The following MLLT10 variants were observed in gnomAD, a reference collection of about 807,000 sequenced individuals.
MLLT10 encodes the protein MLLT10 histone lysine methyltransferase DOT1L cofactor.
In MLLT10, 30 loss-of-function variants were observed where a neutral mutation model predicts 129.1. The ratio of observed to expected loss-of-function variants is 0.23; its 90% CI spans 0.17 to 0.32. The LOEUF (loss-of-function observed/expected upper bound fraction) is 0.32, where lower values mean the gene tolerates loss of function less well. Among genes scored for constraint, MLLT10 ranks in the 10% least tolerant of loss-of-function variants. The probability of loss-of-function intolerance (pLI) is 1.00; values close to 1 mark genes in which losing one functional copy is unlikely to be tolerated. For synonymous variants in MLLT10, 490 were observed against 446.4 expected (o/e 1.10, Z -1.23); for missense variants, 1,119 against 1,268.3 (o/e 0.88, Z 1.79).
chr10:21,537,320 C>T (rs1003154223), intron 2 of MLLT10, among the ~76,000 whole-genome samples: 2 of 151,888 alleles, frequency 1.3e-5, no homozygotes, highest in Admixed American at 6.6e-5. Context: ...TTTTTTGAGG[C>T]GGAGACTCCC....
intron 3 of MLLT10, among the ~76,000 whole-genome samples, chr10:21,539,332 A>G (rs1055583197): frequency 1.3e-5 from 2 of 151,964 alleles, no homozygotes; most frequent in African/African-American, 4.8e-5. Flanking sequence ...TCCTTTTACT[A>G]CATCTTTGGG....
chr10:21,670,141 G>A (rs2051241616), intron 9 of MLLT10, among the ~76,000 whole-genome samples: 1 of 152,172 alleles, frequency 6.6e-6, no homozygotes, highest in African/African-American at 2.4e-5. Context: ...TGACAAATGA[G>A]TATCTTCAGT....
intron 5 of MLLT10, among the ~76,000 whole-genome samples, chr10:21,605,792 G>A (rs2044001560): frequency 6.6e-6 from 1 of 152,036 alleles, no homozygotes; most frequent in African/African-American, 2.4e-5. Context: ...TAGTTGTAGG[G>A]CTTACTATCT....
At chr10:21,656,437 CT>C (rs1260580390) in intron 9 of MLLT10, among the ~76,000 whole-genome samples, 1 of 152,246 alleles carries the variant, frequency 6.6e-6, no homozygotes, top group East Asian at 1.9e-4. Context: ...GTCAAGGGAA[CT>C]TTAATTCACT....
intron 3 of MLLT10, among the ~76,000 whole-genome samples, chr10:21,574,490 T>C (rs1385489787): frequency 1.3e-5 from 2 of 152,120 alleles, no homozygotes; most frequent in Non-Finnish European, 2.9e-5. Flanking sequence ...GGCGGATTCA[T>C]AGAGTAAAGT....
chr10:21,535,749 C>T lies in MLLT10; in HGVS notation c.160+945C>T, dbSNP rs2033863980. 2.6e-5 allele frequency among the ~76,000 whole-genome samples: 4 copies of T among 152,070 alleles called. No individual in the cohort carries two copies. The South Asian group carries it at 8.3e-4, about 32-fold the overall frequency. ...TTTCTGAATCTGGCATTAAGCGATG[C>T]ATATGTTTTTAGTAGTCTGTTGGAA... is the stretch of plus-strand genomic sequence containing the variant. On this transcript the variant is annotated intron_variant, in intron 2 of 22. Transcript: ENST00000307729.
At chr10:21,738,325 T>C in intron 21 of MLLT10, 2 of 1,052,722 alleles carry the variant, frequency 1.9e-6, no homozygotes, top group Non-Finnish European at 2.5e-6. Context: ...TTCTTACCAG[T>C]TGCCTCATCT....
chr10:21,534,633 A>G lies in MLLT10; in HGVS notation c.1-12A>G, dbSNP rs199921793. On this transcript the variant is annotated splice_polypyrimidine_tract_variant and intron_variant, in intron 1 of 22. Transcript: ENST00000307729. Reference sequence around the variant, plus strand: ...CATGTGTTTTTTAATGGTCCCCCCAACTCCCTCTTAGATGGTCTCTAGCGA... The same window carrying G: ...CATGTGTTTTTTAATGGTCCCCCCAGCTCCCTCTTAGATGGTCTCTAGCGA... 4 of 1,597,370 alleles carry G rather than the reference A, an allele frequency of 2.5e-6. No homozygotes were observed. Among genetic ancestry groups the G allele is most frequent in the East Asian group, 4.6e-5 (2 of 43,508 alleles).
At chr10:21,639,051 T>G (rs1258297268) in intron 8 of MLLT10, among the ~76,000 whole-genome samples, 1 of 152,226 alleles carries the variant, frequency 6.6e-6, no homozygotes, top group South Asian at 2.1e-4. Flanking sequence ...TCCCATTAAT[T>G]GGCCTGTGAG....
chr10:21,652,234 T>G (rs2049119688), intron 9 of MLLT10, among the ~76,000 whole-genome samples: 2 of 152,264 alleles, frequency 1.3e-5, no homozygotes, highest in Admixed American at 6.5e-5. Context: ...TCTTACCTTA[T>G]TCTACCTTCT....
At chr10:21,686,803 G>A (rs969676007) in intron 13 of MLLT10, among the ~76,000 whole-genome samples, 1 of 152,044 alleles carries the variant, frequency 6.6e-6, no homozygotes, top group Non-Finnish European at 1.5e-5. Context: ...TCAACATGAC[G>A]AAACCCCTTG....
At chr10:21,683,615 A>G (rs991228731) in intron 13 of MLLT10, among the ~76,000 whole-genome samples, 6 of 152,194 alleles carry the variant, frequency 3.9e-5, no homozygotes, top group African/African-American at 1.4e-4. Context: ...CACCTAGTGA[A>G]TGATGTTTAC....
At chr10:21,538,786 A>G (rs2034558223) in intron 2 of MLLT10, 47 bp from the exon 3 acceptor site, 2 of 1,422,350 alleles carry the variant, frequency 1.4e-6, no homozygotes, top group Admixed American at 3.5e-5. Context: ...TGATTTTTCC[A>G]TAGTTCTTCG....
chr10:21,736,898 T>C (rs940326912), intron 21 of MLLT10, among the ~76,000 whole-genome samples: 3 of 152,094 alleles, frequency 2.0e-5, no homozygotes, highest in African/African-American at 7.2e-5. Flanking sequence ...GCATGAAGAC[T>C]GAGTCCTGGA....
intron 5 of MLLT10, among the ~76,000 whole-genome samples, chr10:21,610,799 T>A (rs574222674): frequency 3.9e-4 from 59 of 151,924 alleles, no homozygotes; most frequent in Non-Finnish European, 7.4e-4. Context: ...TATTTTTAAA[T>A]TTTTTTGATC....
intron 9 of MLLT10, among the ~76,000 whole-genome samples, chr10:21,669,229 T>C (rs897002413): frequency 4.6e-5 from 7 of 152,164 alleles, no homozygotes; most frequent in Admixed American, 1.3e-4. Context: ...ATATCTGTTA[T>C]TGGCACTGAG....
chr10:21,640,465 A>G (rs1321827188), intron 8 of MLLT10, among the ~76,000 whole-genome samples: 1 of 151,690 alleles, frequency 6.6e-6, no homozygotes, highest in East Asian at 1.9e-4. Context: ...GGGTCAAGAG[A>G]TAGACAACTT....
intron 11 of MLLT10, 149 bp from the exon 12 acceptor site, chr10:21,681,183 G>A (rs2052702940): frequency 2.4e-6 from 2 of 849,894 alleles, no homozygotes; most frequent in Non-Finnish European, 3.8e-6. Flanking sequence ...CCAATTATTA[G>A]CTTATAATTT....
intron 17 of MLLT10, 50 bp downstream of exon 17, chr10:21,731,104 CA>C: frequency 6.6e-7 from 1 of 1,526,566 alleles, no homozygotes; most frequent in Non-Finnish European, 8.9e-7. Flanking sequence ...GGCAGATGGA[CA>C]AACAGGCAGA....
Sources: gnomAD v4.1 joint callset for allele counts (sites outside exome capture counted in the v4.1 genomes callset) on GRCh38, gnomAD v4.1.1 for gene constraint, MANE v1.5 for transcripts, NCBI Gene and HGNC (gene_info 2026-07-23, HGNC 2026-07-21) for gene names.